Variants in PAM observed in about 807,000 individuals in gnomAD.
PAM encodes peptidyl-glycine alpha-amidating monooxygenase.
PAM carries 72 observed loss-of-function variants against 122.1 expected under a neutral mutation model. The observed-to-expected ratio is 0.59, with a 90% CI of 0.49 to 0.72. PAM has a LOEUF of 0.72. Among genes scored for constraint, PAM ranks in the 30% least tolerant of loss-of-function variants. The pLI is 0.00. For missense variants in PAM, 1,106 were observed against 1,183.7 expected (o/e 0.93, Z 0.96); for synonymous variants, 389 against 404.4 (o/e 0.96, Z 0.46).
chr5:102,855,071 TG>T (rs539287935), intron 1 of PAM, among the ~76,000 whole-genome samples: 32 of 152,342 alleles, frequency 2.1e-4, no homozygotes, highest in African/African-American at 7.5e-4. Flanking sequence ...GACATTAAAA[TG>T]TTTTTTTAAG....
intron 22 of PAM, 54 bp downstream of exon 22, chr5:103,017,487 A>C (rs1193705037): frequency 9.6e-7 from 1 of 1,042,454 alleles, no homozygotes; most frequent in East Asian, 2.4e-5. Flanking sequence ...GATTGCTTAA[A>C]AGCATATGAA....
At chr5:102,894,274 T>G (rs1003449806) in intron 3 of PAM, among the ~76,000 whole-genome samples, 1 of 151,670 alleles carries the variant, frequency 6.6e-6, no homozygotes, top group African/African-American at 2.4e-5. Flanking sequence ...ATTAATAAGT[T>G]AGGGATATTA....
chr5:102,884,507 G>A (rs966401005), intron 3 of PAM, among the ~76,000 whole-genome samples: 13 of 151,844 alleles, frequency 8.6e-5, no homozygotes, highest in African/African-American at 1.9e-4. Context: ...ATTATAGTCC[G>A]TCTGAAGATA....
chr5:102,919,258 T>TTATA (rs138385927), intron 5 of PAM, among the ~76,000 whole-genome samples: 11 of 150,420 alleles, frequency 7.3e-5, no homozygotes, highest in African/African-American at 2.7e-4. Flanking sequence ...AGATAAAACA[T>TTATA]TATATATATA....
chr5:102,973,087 T>A (rs996252540), intron 14 of PAM, among the ~76,000 whole-genome samples: 2 of 152,234 alleles, frequency 1.3e-5, no homozygotes, highest in Admixed American at 1.3e-4. Context: ...CTAATTGTGC[T>A]GTAAATGTAA....
chr5:102,781,044 C>T (rs934282997), intron 1 of PAM, among the ~76,000 whole-genome samples: 2 of 151,850 alleles, frequency 1.3e-5, no homozygotes, highest in African/African-American at 4.8e-5. Flanking sequence ...GGTAAAGTTG[C>T]CCCAGGTTTA....
intron 11 of PAM, among the ~76,000 whole-genome samples, chr5:102,950,416 G>GGGGGGTGTGTGTGTGT (rs372626572): frequency 3.0e-4 from 44 of 146,060 alleles, no homozygotes; most frequent in East Asian, 8.1e-4. Flanking sequence ...TATGTGGGTG[G>GGGGGGTGTGTGTGTGT]GTGTGTGTGT....
intron 3 of PAM, among the ~76,000 whole-genome samples, chr5:102,897,265 A>C (rs1796468679): frequency 6.6e-6 from 1 of 151,548 alleles, no homozygotes; most frequent in Non-Finnish European, 1.5e-5. Context: ...TCTGGGTTGG[A>C]TTTAAAATGT....
At chr5:102,801,969 G>A (rs1032297864) in intron 1 of PAM, among the ~76,000 whole-genome samples, 1 of 150,396 alleles carries the variant, frequency 6.6e-6, no homozygotes, top group Non-Finnish European at 1.5e-5. Context: ...TAGTAGAGAC[G>A]GGGTTTCACC....
At chr5:102,783,663 T>C (rs1488059984) in intron 1 of PAM, among the ~76,000 whole-genome samples, 2 of 152,224 alleles carry the variant, frequency 1.3e-5, no homozygotes, top group African/African-American at 4.8e-5. Context: ...CTCTTTAAAC[T>C]ACCTCTGTGC....
At chr5:103,030,448 A>G (rs769806435), downstream of PAM, 3 of 152,250 alleles carry the variant, frequency 2.0e-5, no homozygotes, top group Non-Finnish European at 4.4e-5. Flanking sequence ...CCGGCATCAT[A>G]GTAGTTGGAA....
intron 14 of PAM, among the ~76,000 whole-genome samples, chr5:102,969,089 G>C (rs1026965989): frequency 3.3e-5 from 5 of 152,166 alleles, no homozygotes; most frequent in African/African-American, 1.2e-4. Flanking sequence ...TGCCTGTCGG[G>C]GGGTAGGGGG....
chr5:102,765,851 G>A (rs1753763658), intron 1 of PAM, among the ~76,000 whole-genome samples: 1 of 152,120 alleles, frequency 6.6e-6, no homozygotes, highest in African/African-American at 2.4e-5. Flanking sequence ...TAAGGACACA[G>A]TAATATTGGA....
At chr5:102,835,234 C>T (rs1416054828) in intron 1 of PAM, among the ~76,000 whole-genome samples, 6 of 152,068 alleles carry the variant, frequency 3.9e-5, no homozygotes, top group East Asian at 1.9e-4. Flanking sequence ...GTTTATAAGA[C>T]GTACCCAGAG....
Position 102,791,759 on chromosome 5 carries a change from C to T in PAM, c.-374+36411C>T, listed in dbSNP as rs375103033. ...CTGTAGTAAATTCCCTTCTTTCAAC[C>T]CTGGGTTGAAATCCTGTCAATTAAT... On this transcript the variant is annotated intron_variant, in intron 1 of 25. Coordinates refer to ENST00000438793, the MANE Select transcript of PAM (RefSeq NM_001177306.2). Among the ~76,000 whole-genome samples, 24 of 152,126 alleles carry T rather than the reference C, an allele frequency of 1.6e-4. No individual in the cohort carries two copies. The South Asian group carries it at 4.8e-3, about 30-fold the overall frequency.
chr5:102,839,744 A>G (rs1166908295), intron 1 of PAM, among the ~76,000 whole-genome samples: 1 of 152,166 alleles, frequency 6.6e-6, no homozygotes, highest in Non-Finnish European at 1.5e-5. Context: ...CAGAAAATCT[A>G]TTAAGGTAAT....
At chr5:102,912,359 T>C (rs1358539325) in intron 4 of PAM, among the ~76,000 whole-genome samples, 2 of 151,978 alleles carry the variant, frequency 1.3e-5, no homozygotes, top group Non-Finnish European at 2.9e-5. Context: ...CATAAAGTAG[T>C]ATAAACAGTT....
chr5:102,862,228 T>TTG (rs1784388593), intron 1 of PAM, among the ~76,000 whole-genome samples: 1 of 151,962 alleles, frequency 6.6e-6, no homozygotes, highest in African/African-American at 2.4e-5. Flanking sequence ...ATTGTCTTTT[T>TTG]TTTTTTTAAA....
chr5:102,988,484 GCC>G (rs1772730992), intron 15 of PAM, among the ~76,000 whole-genome samples: 1 of 151,992 alleles, frequency 6.6e-6, no homozygotes, highest in Non-Finnish European at 1.5e-5. Flanking sequence ...ATTTACTAAG[GCC>G]AAAAACCACG....
Sources: allele counts gnomAD v4.1 joint callset (sites outside exome capture counted in the v4.1 genomes callset), GRCh38; gene constraint gnomAD v4.1.1; transcripts MANE v1.5; gene names NCBI Gene and HGNC (gene_info 2026-07-23, HGNC 2026-07-21).